The following CCDC66 variants were observed in gnomAD, a reference collection of about 807,000 sequenced individuals.
CCDC66 encodes the protein coiled-coil domain containing 66.
In CCDC66, 133 loss-of-function variants were observed where a neutral mutation model predicts 128.3. The ratio of observed to expected loss-of-function variants is 1.04; its 90% CI spans 0.90 to 1.20. The LOEUF is 1.20. Ranked by LOEUF, CCDC66 falls within the 50% of genes most tolerant of loss-of-function variation. The pLI is 0.00. For synonymous variants in CCDC66, 387 were observed against 357.0 expected, an observed-to-expected ratio of 1.08 and a Z score of -0.95; for missense variants, 1,126 against 1,075.5, an observed-to-expected ratio of 1.05 and a Z score of -0.66.
intron 1 of CCDC66, among the ~76,000 whole-genome samples, chr3:56,558,567 T>A (rs1276193880): frequency 6.6e-6 from 1 of 152,234 alleles, no homozygotes; most frequent in African/African-American, 2.4e-5. Flanking sequence ...AATGGTGGTA[T>A]GATAACTTAA....
Position 56,619,792 on chromosome 3 carries a change from G to A in CCDC66, c.2651G>A (p.Arg884Gln), listed in dbSNP as rs146236480. The change falls in exon 17 of 18, where the codon CGA becomes CAA. Residue 884 changes from arginine to glutamine, a missense_variant. Transcript: ENST00000394672. ...YQNSQDCGQK[R>Q]QLFDSDCVRD... ...CTGGCTTTAGACTGTGGCCAAAAAC[G>A]ACAGCTATTTGATTCTGACTGTGTC... 3.5e-5 allele frequency: 56 copies of A among 1,613,792 alleles called. No homozygotes were observed. The highest frequency in any genetic ancestry group is 1.6e-4 in the East Asian group (7 of 44,874).
intron 7 of CCDC66, among the ~76,000 whole-genome samples, chr3:56,585,127 G>A (rs2069421720): frequency 1.6e-5 from 1 of 61,684 alleles, no homozygotes; most frequent in Admixed American, 1.5e-4. Flanking sequence ...GGGGGAGAGG[G>A]AGAGGGAGGG....
chr3:56,570,397 A>T (rs9881005), intron 6 of CCDC66: 49,067 of 152,082 alleles, frequency 0.32, 8,402 homozygotes, highest in East Asian at 0.48. Flanking sequence ...GCCAAGCCCT[A>T]TATTGAGATA....
chr3:56,562,090 G>T (rs934096362), intron 3 of CCDC66, among the ~76,000 whole-genome samples: 27 of 151,558 alleles, frequency 1.8e-4, no homozygotes, highest in Admixed American at 5.3e-4. Context: ...GTCCAGGCTG[G>T]AGTGCAGTGG....
intron 3 of CCDC66, chr3:56,561,477 T>C (rs1198791996): frequency 3.0e-6 from 1 of 330,108 alleles, no homozygotes; most frequent in Non-Finnish European, 5.8e-6. Flanking sequence ...GAATTTTTTT[T>C]TTAAGAGTAA....
intron 7 of CCDC66, among the ~76,000 whole-genome samples, chr3:56,579,177 T>A (rs1037832239): frequency 2.0e-5 from 3 of 151,878 alleles, no homozygotes; most frequent in African/African-American, 7.2e-5. Flanking sequence ...TCTTCTAGAT[T>A]TTCTAGTTTA....
At position 56,588,158 on chromosome 3, in the gene CCDC66, T is replaced by G. The variant is rs889782988; in HGVS notation, c.937-4812T>G. Reference sequence around the variant, plus strand: ...TGAATGAATAGCATTTGCAGCAACCTGGATGGAGTTGGAGAGTATTATTTT... The same window carrying G: ...TGAATGAATAGCATTTGCAGCAACCGGGATGGAGTTGGAGAGTATTATTTT... On this transcript the variant is annotated intron_variant, in intron 7 of 17. Coordinates refer to ENST00000394672, the MANE Select transcript of CCDC66 (RefSeq NM_001141947.3). Among the ~76,000 whole-genome samples, 7 of 152,374 alleles carry G rather than the reference T, an allele frequency of 4.6e-5. No individual in the cohort carries two copies. The South Asian group carries it at 6.2e-4, about 14-fold the overall frequency.
In CCDC66 at chr3:56,579,158, T is replaced by C. The variant is rs556980599; in HGVS notation, c.936+7856T>C. Among the ~76,000 whole-genome samples, 3 of 151,974 alleles carry C rather than the reference T, an allele frequency of 2.0e-5. No homozygotes were observed. In the South Asian group the frequency reaches 6.2e-4, roughly 32 times the overall value. ...TGGGAGGGTGTATGTGTCCAGGAATTTATCCATTTCTTCTAGATTTTCTAG... is the reference window on the plus strand; with the variant it reads ...TGGGAGGGTGTATGTGTCCAGGAATCTATCCATTTCTTCTAGATTTTCTAG... On this transcript the variant is annotated intron_variant, in intron 7 of 17. Coordinates refer to ENST00000394672, the MANE Select transcript of CCDC66 (RefSeq NM_001141947.3).
In CCDC66 at chr3:56,617,332, GAAAC is replaced by G. The variant is rs773603090; in HGVS notation, c.2072_2075del (p.Thr691AsnfsTer3). ...AGTGTAATCAGTTCACAAGAATAGA[GAAAC>G]AAACAAAACACATGAAGAAATATCC... On this transcript the variant is annotated frameshift_variant, in exon 14 of 18. Coordinates refer to ENST00000394672, the MANE Select transcript of CCDC66 (RefSeq NM_001141947.3). LOFTEE classifies it high-confidence loss of function. 3.0e-4 allele frequency: 486 copies of G among 1,612,090 alleles called. 1 individual carries two copies. The highest frequency in any genetic ancestry group is 5.1e-4 in the South Asian group (46 of 90,616).
intron 4 of CCDC66, 78 bp from the exon 5 acceptor site, chr3:56,566,516 G>T: frequency 1.1e-6 from 1 of 895,402 alleles, no homozygotes; most frequent in Non-Finnish European, 1.7e-6. Context: ...AGACATGTAA[G>T]AACTGTATAG....
At chr3:56,620,501 C>T (rs1393341061) in intron 17 of CCDC66, 2 of 152,224 alleles carry the variant, frequency 1.3e-5, no homozygotes, top group Non-Finnish European at 2.9e-5. Flanking sequence ...ACTCTCTGTA[C>T]TTGAGGAAGA....
chr3:56,615,936 A>G lies in CCDC66; in HGVS notation c.1726A>G (p.Met576Val). Residue 576 changes from methionine (M) to valine (V), a missense_variant, in exon 13 of 18, where the codon ATG (methionine) becomes GTG (valine). Met to Val is a conservative substitution (Grantham distance 21). Coordinates refer to ENST00000394672, the MANE Select transcript of CCDC66 (RefSeq NM_001141947.3). Reference sequence around the variant, plus strand: ...CTCTTTGCCAGTTGATACAATACAAATGGAATATAATGCATCTAACATTTC... The same window carrying G: ...CTCTTTGCCAGTTGATACAATACAAGTGGAATATAATGCATCTAACATTTC... ...IKNLGVDTIQ[M>V]EYNASNISNS... 6.3e-7 allele frequency: 1 copy of G among 1,595,204 alleles called. No individual in the cohort carries two copies. Among genetic ancestry groups the G allele is most frequent in the African/African-American group, 1.3e-5 (1 of 74,302 alleles).
intron 10 of CCDC66, among the ~76,000 whole-genome samples, chr3:56,601,906 C>T (rs544692033): frequency 3.3e-5 from 5 of 152,232 alleles, no homozygotes; most frequent in African/African-American, 1.2e-4. Context: ...ACAATCATGT[C>T]ATCTGCAAAC....
intron 3 of CCDC66, among the ~76,000 whole-genome samples, chr3:56,561,707 AT>A (rs1292111486): frequency 6.6e-6 from 1 of 152,144 alleles, no homozygotes; most frequent in Non-Finnish European, 1.5e-5. Context: ...AAACACCAAA[AT>A]CAGTAGTATT....
chr3:56,572,893 G>A (rs948341277), intron 7 of CCDC66: 1 of 152,282 alleles, frequency 6.6e-6, no homozygotes, highest in Non-Finnish European at 1.5e-5. Context: ...AGGCAATAAG[G>A]TTGTCTTGGT....
rs539704709 is a variant in CCDC66, at chr3:56,584,697, G to A, written c.937-8273G>A. On this transcript the variant is annotated intron_variant, in intron 7 of 17. Coordinates refer to ENST00000394672, the MANE Select transcript of CCDC66 (RefSeq NM_001141947.3). ...TCACTTCCCAGGCAGGGTGGCGGCC[G>A]GGCAGAGGCTGCAATCTCGGCACTT... Among the ~76,000 whole-genome samples the A allele has an allele frequency of 1.6e-4, 25 of 152,006 alleles. 1 individual carries two copies. Among genetic ancestry groups the A allele is most frequent in the Middle Eastern group, 3.4e-3 (1 of 294 alleles).
At position 56,593,000 on chromosome 3, in the gene CCDC66, G is replaced by A. The variant is rs142288991; in HGVS notation, c.967G>A (p.Ala323Thr). The change falls in exon 8 of 18, where the codon GCT (alanine) becomes ACT (threonine). Residue 323 changes from alanine (A) to threonine (T), a missense_variant. Coordinates refer to ENST00000394672, the MANE Select transcript of CCDC66 (RefSeq NM_001141947.3). ...AGTACTGCTGGAGCACCCTTTCAGT[G>A]CTGTGAAACAAGAACTGCAAAGAAA... ...ETVLLEHPFS[A>T]VKQELQRKWI... 3.4e-5 allele frequency: 55 copies of A among 1,611,056 alleles called. No individual in the cohort carries two copies. In the African/African-American group the frequency reaches 6.8e-4, roughly 20 times the overall value.
chr3:56,582,426 T>G (rs1364512534), intron 7 of CCDC66, among the ~76,000 whole-genome samples: 3 of 151,876 alleles, frequency 2.0e-5, no homozygotes, highest in Non-Finnish European at 4.4e-5. Context: ...CCCAGTGAGA[T>G]GAACCTGGTA....
chr3:56,608,581 T>C (rs913460939), intron 10 of CCDC66, among the ~76,000 whole-genome samples: 1 of 45,054 alleles, frequency 2.2e-5, no homozygotes, highest in African/African-American at 6.3e-5. Context: ...AGCTTTTTGT[T>C]TCATTTGTCG....
Sources: gnomAD v4.1 joint callset for allele counts (sites outside exome capture counted in the v4.1 genomes callset) on GRCh38, gnomAD v4.1.1 for gene constraint, MANE v1.5 for transcripts, NCBI Gene and HGNC (gene_info 2026-07-23, HGNC 2026-07-21) for gene names.